The following SREBF2 variants were observed in gnomAD, a reference collection of about 807,000 sequenced individuals.
SREBF2 encodes sterol regulatory element binding transcription factor 2.
A neutral mutation model predicts 113.1 loss-of-function variants in SREBF2; 55 were observed. That is an observed-to-expected ratio of 0.49 (90% confidence interval 0.39 to 0.61). The LOEUF (loss-of-function observed/expected upper bound fraction) is 0.61, where lower values mean the gene tolerates loss of function less well. Among genes scored for constraint, SREBF2 ranks in the 20% least tolerant of loss-of-function variants. The pLI is 0.00. For synonymous variants in SREBF2, 593 were observed against 605.7 expected, an observed-to-expected ratio of 0.98 and a Z score of 0.31; for missense variants, 1,349 against 1,487.4, an observed-to-expected ratio of 0.91 and a Z score of 1.53.
intron 1 of SREBF2, among the ~76,000 whole-genome samples, chr22:41,836,201 G>T (rs974160647): frequency 6.6e-6 from 1 of 152,222 alleles, no homozygotes; most frequent in South Asian, 2.1e-4. Context: ...AGACCTAGGG[G>T]CCAGGTTTGG....
At chr22:41,899,532 G>A (rs891318754) in intron 15 of SREBF2, 13 of 991,700 alleles carry the variant, frequency 1.3e-5, no homozygotes, top group East Asian at 1.1e-4. Flanking sequence ...CTTAACCGGC[G>A]CACAGGAAGG....
chr22:41,898,402 G>A (rs149787658), intron 14 of SREBF2, among the ~76,000 whole-genome samples: 3 of 152,358 alleles, frequency 2.0e-5, no homozygotes, highest in African/African-American at 7.2e-5. Context: ...ACAGGCGTGA[G>A]CCACCGCGGC....
At chr22:41,853,116 C>T (rs1213323428) in intron 1 of SREBF2, among the ~76,000 whole-genome samples, 2 of 152,174 alleles carry the variant, frequency 1.3e-5, no homozygotes. Flanking sequence ...GCCTCCTCAA[C>T]CCCATGTAAA....
chr22:41,854,893 A>T (rs997224231), intron 1 of SREBF2, among the ~76,000 whole-genome samples: 1 of 151,756 alleles, frequency 6.6e-6, no homozygotes, highest in Admixed American at 6.6e-5. Context: ...AAAATAATAA[A>T]ATAAAATTTA....
chr22:41,871,024 C>T lies in SREBF2; in HGVS notation c.856C>T (p.Leu286Phe). ...CACCACCCCTATCCAGACGGCTGCC[C>T]TTCAAGTACCAGTAAGAGCTGCCTT... ...ALTTPIQTAALQVPTLVGSSG... is the reference protein window; with the variant it reads ...ALTTPIQTAAFQVPTLVGSSG... The change falls in exon 4 of 19, where the codon CTT becomes TTT. Residue 286 changes from leucine to phenylalanine, a missense_variant. Leu to Phe is a conservative substitution (Grantham distance 22, BLOSUM62 0). Transcript: ENST00000361204. 6.2e-7 allele frequency: 1 copy of T among 1,614,100 alleles called. No individual in the cohort carries two copies. Among genetic ancestry groups the T allele is most frequent in the African/African-American group, 1.3e-5 (1 of 75,010 alleles).
intron 1 of SREBF2, among the ~76,000 whole-genome samples, chr22:41,843,844 TAA>T (rs769811734): frequency 3.6e-5 from 5 of 138,242 alleles, no homozygotes; most frequent in Admixed American, 7.2e-5. Flanking sequence ...CCCATTTCTG[TAA>T]AAAAAAAAAA....
intron 1 of SREBF2, among the ~76,000 whole-genome samples, chr22:41,845,753 T>A (rs2076871777): frequency 6.6e-6 from 1 of 152,202 alleles, no homozygotes; most frequent in African/African-American, 2.4e-5. Context: ...GGTGTTTATT[T>A]AGATAGATTT....
chr22:41,892,445 C>G (rs932837494), intron 11 of SREBF2, among the ~76,000 whole-genome samples: 1 of 151,938 alleles, frequency 6.6e-6, no homozygotes, highest in Non-Finnish European at 1.5e-5. Context: ...GTCAAGAGAT[C>G]GAGACCATCC....
chr22:41,888,445 G>A (rs1170505331), intron 11 of SREBF2, among the ~76,000 whole-genome samples: 1 of 148,856 alleles, frequency 6.7e-6, no homozygotes, highest in African/African-American at 2.6e-5. Flanking sequence ...TCAAGGATCC[G>A]TGTACCGTGG....
intron 13 of SREBF2, among the ~76,000 whole-genome samples, chr22:41,895,158 G>A (rs1394449261): frequency 6.8e-6 from 1 of 146,750 alleles, no homozygotes; most frequent in African/African-American, 2.5e-5. Flanking sequence ...TTTTTTTTTG[G>A]AGACGGAGTC....
At chr22:41,862,783 C>G (rs2148369956) in intron 1 of SREBF2, among the ~76,000 whole-genome samples, 1 of 152,380 alleles carries the variant, frequency 6.6e-6, no homozygotes, top group African/African-American at 2.4e-5. Flanking sequence ...CCCATCACTC[C>G]TTTCTGCAGA....
Position 41,874,014 on chromosome 22 carries a change from G to A in SREBF2, c.1084G>A (p.Ala362Thr), listed in dbSNP as rs1254842654. 4 of 1,614,134 alleles carry A rather than the reference G, an allele frequency of 2.5e-6. No homozygotes were observed. Among genetic ancestry groups the A allele is most frequent in the South Asian group, 1.1e-5 (1 of 91,078 alleles). Residue 362 changes from alanine to threonine, a missense_variant, in exon 5 of 19, where the codon GCC becomes ACC. This residue lies in a region of SREBF2 where 699 missense variants were observed against 843.3 expected (regional missense o/e 0.83). Transcript: ENST00000361204. ...ELKDLVMGTD[A>T]KMHKSGVLRK... The stretch of plus-strand genomic sequence containing the variant: ...GAAAGACCTGGTCATGGGGACAGAC[G>A]CCAAGGTGGGTGCCAAGCAAAATTG...
chr22:41,877,946 T>G lies in SREBF2; in HGVS notation c.1584T>G (p.Ser528=). Residue 528 remains serine (S), a synonymous_variant, in exon 9 of 19, where the codon TCT becomes TCG. Transcript: ENST00000361204. ...TGCTGAGACGCTCCTTCTTAGGTTC[T>G]GGGGGCTGGTTTGACTGGATGATGC... ...GRSVLSFESG[S]GGWFDWMMPT... 6.2e-7 allele frequency: 1 copy of G among 1,614,230 alleles called. No individual in the cohort carries two copies. Among genetic ancestry groups the G allele is most frequent in the African/African-American group, 1.3e-5 (1 of 75,066 alleles).
chr22:41,898,525 G>T, intron 14 of SREBF2, 124 bp from the exon 15 acceptor site: 1 of 1,310,494 alleles, frequency 7.6e-7, no homozygotes, highest in Non-Finnish European at 1.1e-6. Flanking sequence ...CCCAGAGGCT[G>T]CTGGCCCGTT....
intron 1 of SREBF2, among the ~76,000 whole-genome samples, chr22:41,855,663 A>T (rs1310338046): frequency 6.6e-6 from 1 of 152,206 alleles, no homozygotes; most frequent in Non-Finnish European, 1.5e-5. Context: ...GGGAGCCTTA[A>T]TCGGTAGTAA....
chr22:41,842,688 G>A (rs1334193877), intron 1 of SREBF2, among the ~76,000 whole-genome samples: 1 of 152,182 alleles, frequency 6.6e-6, no homozygotes, highest in African/African-American at 2.4e-5. Flanking sequence ...CAAGAATCCA[G>A]TTAGGTAAAA....
chr22:41,872,466 TTCA>T (rs1463263300), intron 4 of SREBF2, among the ~76,000 whole-genome samples: 2 of 152,160 alleles, frequency 1.3e-5, no homozygotes, highest in Admixed American at 6.6e-5. Flanking sequence ...ATATGTAAAA[TTCA>T]TCAAGCTATA....
Position 41,840,313 on chromosome 22 carries a change from A to G in SREBF2, c.88+6955A>G, listed in dbSNP as rs1418366727. Among the ~76,000 whole-genome samples the G allele has an allele frequency of 2.0e-5, 3 of 152,140 alleles. No homozygotes were observed. In the East Asian group the frequency reaches 5.8e-4, roughly 29 times the overall value. ...AATTTGCCCTAAATCTTGTGACAGAAACTTGCAATGTGGTGGTCAGTTCCT... is the reference window on the plus strand; with the variant it reads ...AATTTGCCCTAAATCTTGTGACAGAGACTTGCAATGTGGTGGTCAGTTCCT... On this transcript the variant is annotated intron_variant, in intron 1 of 18. Coordinates refer to ENST00000361204, the MANE Select transcript of SREBF2 (RefSeq NM_004599.4).
chr22:41,845,266 A>T (rs1403952272), intron 1 of SREBF2, among the ~76,000 whole-genome samples: 4 of 152,102 alleles, frequency 2.6e-5, no homozygotes, highest in Non-Finnish European at 5.9e-5. Context: ...ATGGACATAG[A>T]TGAAGGCACT....
Sources: allele counts gnomAD v4.1 joint callset (sites outside exome capture counted in the v4.1 genomes callset), GRCh38; gene constraint gnomAD v4.1.1; regional missense constraint gnomAD v4.1.1; transcripts MANE v1.5; gene names NCBI Gene and HGNC (gene_info 2026-07-23, HGNC 2026-07-21).